MAD1L1: variants seen among roughly 807,000 people sequenced by gnomAD.
MAD1L1 encodes mitotic spindle assembly checkpoint protein MAD1.
MAD1L1 carries 95 observed loss-of-function variants against 96.9 expected under a neutral mutation model. The observed-to-expected ratio is 0.98, with a 90% CI of 0.83 to 1.16. The LOEUF (loss-of-function observed/expected upper bound fraction) is 1.16. MAD1L1 is among the 50% of genes most tolerant of loss of function. MAD1L1 has a pLI of 0.00. For missense variants in MAD1L1, 1,007 were observed against 954.4 expected (o/e 1.06, Z -0.73); for synonymous variants, 473 against 396.6 (o/e 1.19, Z -2.29).
intron 16 of MAD1L1, among the ~76,000 whole-genome samples, chr7:1,940,933 C>CCTCT (rs1778928747): frequency 4.3e-5 from 3 of 69,218 alleles, no homozygotes; most frequent in Admixed American, 1.2e-4. Flanking sequence ...GACCCTCCTC[C>CCTCT]CCCAGGCCTC....
Position 2,232,865 on chromosome 7 carries a change from C to CGCTTACCTCAGCCGCTCGCAGCCA in MAD1L1, c.-207_-190+6dup, listed in dbSNP as rs1259019772. 2.0e-5 allele frequency: 3 copies of CGCTTACCTCAGCCGCTCGCAGCCA among 152,254 alleles called. No homozygotes were observed. Among genetic ancestry groups the CGCTTACCTCAGCCGCTCGCAGCCA allele is most frequent in the Non-Finnish European group, 4.4e-5 (3 of 68,118 alleles). 9.4% of individuals were successfully genotyped at this position (152,254 alleles called of 1,614,324 possible). On this transcript the variant is annotated splice_region_variant and intron_variant, in intron 1 of 18. Coordinates refer to ENST00000265854, the MANE Select transcript of MAD1L1 (RefSeq NM_001013836.2). Reference sequence around the variant, plus strand: ...ACCCCGCCGCCCGCGCGAGCCGGGCCGCTTACCTCAGCCGCTCGCAGCCAG... The same window carrying CGCTTACCTCAGCCGCTCGCAGCCA: ...ACCCCGCCGCCCGCGCGAGCCGGGCCGCTTACCTCAGCCGCTCGCAGCCAGCTTACCTCAGCCGCTCGCAGCCAG...
At chr7:1,883,216 C>T (rs1407608158) in intron 18 of MAD1L1, among the ~76,000 whole-genome samples, 1 of 152,170 alleles carries the variant, frequency 6.6e-6, no homozygotes, top group East Asian at 1.9e-4. Context: ...TAACAACAAA[C>T]CTTGTGCCAC....
intron 18 of MAD1L1, among the ~76,000 whole-genome samples, chr7:1,851,379 C>G (rs56070303): frequency 6.6e-6 from 1 of 152,156 alleles, no homozygotes; most frequent in African/African-American, 2.4e-5. Context: ...CTCGAGGTCA[C>G]GGGAAACCCC....
intron 15 of MAD1L1, among the ~76,000 whole-genome samples, chr7:1,962,095 G>C (rs748975920): frequency 2.0e-5 from 3 of 152,102 alleles, no homozygotes; most frequent in African/African-American, 7.2e-5. Context: ...GGGAGATAAT[G>C]AATCATAGGG....
rs1055992197 is a variant in MAD1L1, at chr7:1,936,770, A to G, written c.1724T>C (p.Leu575Pro). 1.9e-6 allele frequency: 3 copies of G among 1,574,704 alleles called. No individual in the cohort carries two copies. The highest frequency in any genetic ancestry group is 1.3e-5 in the African/African-American group (1 of 74,378). Residue 575 changes from leucine to proline, a missense_variant, in exon 17 of 19, where the codon CTG (leucine) becomes CCG (proline). By Grantham distance (98) the Leu-to-Pro change is moderately conservative (BLOSUM62 -3). Transcript: ENST00000265854. ...GGTGCCTCCTCTCTCCATGGCGCGC[A>G]GGAGCCCGCGCAGTCGCTCGCACTC... ...QAECERLRGLLRAMERGGTVP... is the reference protein window; with the variant it reads ...QAECERLRGLPRAMERGGTVP...
In MAD1L1 at chr7:2,134,809, G is replaced by A. The variant is rs1240128618; in HGVS notation, c.1073+14343C>T. Among the ~76,000 whole-genome samples, 4 of 152,146 alleles carry A rather than the reference G, an allele frequency of 2.6e-5. No homozygotes were observed. In the South Asian group the frequency reaches 6.2e-4, roughly 24 times the overall value. ...AGTTCCTGGCTCCACCAGAAATCAG[G>A]TGGGCATGATCTCCAGGCCCCAGGG... On this transcript the variant is annotated intron_variant, in intron 11 of 18. Transcript: ENST00000265854.
intron 18 of MAD1L1, among the ~76,000 whole-genome samples, chr7:1,868,840 G>A (rs760185716): frequency 6.6e-6 from 1 of 152,136 alleles, no homozygotes; most frequent in Non-Finnish European, 1.5e-5. Flanking sequence ...CCCACACAGG[G>A]GCCCAGCGGT....
At chr7:1,965,996 C>T (rs778738748) in intron 15 of MAD1L1, among the ~76,000 whole-genome samples, 60 of 152,348 alleles carry the variant, frequency 3.9e-4, no homozygotes, top group Non-Finnish European at 6.5e-4. Flanking sequence ...GGGTCCCATC[C>T]ACACTGGCAT....
chr7:1,892,742 T>C (rs549568452), intron 18 of MAD1L1, among the ~76,000 whole-genome samples: 1 of 152,316 alleles, frequency 6.6e-6, no homozygotes, highest in Non-Finnish European at 1.5e-5. Flanking sequence ...CGTCCACGCC[T>C]CTGGCCCTGA....
At chr7:2,228,139 C>T (rs1325631326) in intron 3 of MAD1L1, among the ~76,000 whole-genome samples, 1 of 152,130 alleles carries the variant, frequency 6.6e-6, no homozygotes, top group African/African-American at 2.4e-5. Flanking sequence ...CGCACTCCAT[C>T]ACTGATCCCC....
At chr7:2,089,935 C>T (rs1233777074) in intron 11 of MAD1L1, among the ~76,000 whole-genome samples, 1 of 152,232 alleles carries the variant, frequency 6.6e-6, no homozygotes, top group Non-Finnish European at 1.5e-5. Flanking sequence ...TTTCGAGCTG[C>T]AGAAGGAGCT....
At chr7:1,965,542 C>T (rs920576731) in intron 15 of MAD1L1, among the ~76,000 whole-genome samples, 4 of 152,344 alleles carry the variant, frequency 2.6e-5, no homozygotes, top group Middle Eastern at 6.8e-3. Context: ...AGTCCTCCAG[C>T]ACTCACCTGG....
intron 18 of MAD1L1, among the ~76,000 whole-genome samples, chr7:1,855,092 T>C (rs1050032593): frequency 1.3e-5 from 2 of 152,274 alleles, no homozygotes; most frequent in Admixed American, 1.3e-4. Context: ...AGGGTCACCC[T>C]TCCTCTGCGG....
intron 10 of MAD1L1, among the ~76,000 whole-genome samples, chr7:2,161,604 C>G (rs1199236480): frequency 1.3e-5 from 2 of 150,884 alleles, no homozygotes; most frequent in African/African-American, 4.9e-5. Context: ...CCCGACCGCC[C>G]AGTCTGGGAA....
chr7:1,926,805 C>G (rs1227440235), intron 17 of MAD1L1, among the ~76,000 whole-genome samples: 1 of 152,226 alleles, frequency 6.6e-6, no homozygotes. Context: ...ACTGCTCTCC[C>G]TGCAAGGTGA....
chr7:1,874,604 GCAGGTGGCTCTTCATCGATCGC>G lies in MAD1L1; in HGVS notation c.1998+23574_1998+23595del, dbSNP rs1785280839. 8 of 441,326 alleles carry G rather than the reference GCAGGTGGCTCTTCATCGATCGC, an allele frequency of 1.8e-5. No individual in the cohort carries two copies. The Admixed American group carries it at 2.1e-4, about 12-fold the overall frequency. The allele number at this position is 441,326 out of a possible 1,614,324, so 27.3% of individuals were successfully genotyped here. ...TCTCACCTATCAGCATTACCCAGAG[GCAGGTGGCTCTTCATCGATCGC>G]CTGGTGGGCTTAGGAATTGACCCAG... On this transcript the variant is annotated intron_variant, in intron 18 of 18. Transcript: ENST00000265854.
At chr7:1,824,893 G>A (rs146281836) in intron 18 of MAD1L1, among the ~76,000 whole-genome samples, 3 of 151,944 alleles carry the variant, frequency 2.0e-5, no homozygotes, top group South Asian at 4.2e-4. Context: ...ACTCAGCAGC[G>A]TCCGCCGAGA....
intron 10 of MAD1L1, among the ~76,000 whole-genome samples, chr7:2,210,450 T>TG (rs1562375185): frequency 1.5e-5 from 2 of 134,838 alleles, no homozygotes; most frequent in Non-Finnish European, 3.3e-5. Context: ...TCCCGTGGAC[T>TG]CTCTAGGAGC....
At chr7:2,196,347 A>T (rs1260347310) in intron 10 of MAD1L1, among the ~76,000 whole-genome samples, 1 of 152,228 alleles carries the variant, frequency 6.6e-6, no homozygotes. Context: ...AAACTCTTGT[A>T]AGCCACCTGT....
Sources: gnomAD v4.1 joint callset for allele counts (sites outside exome capture counted in the v4.1 genomes callset) on GRCh38, gnomAD v4.1.1 for gene constraint, MANE v1.5 for transcripts, NCBI Gene and HGNC (gene_info 2026-07-23, HGNC 2026-07-21) for gene names.